The following GRAMD2B variants were observed in gnomAD, a reference collection of about 807,000 sequenced individuals.
GRAMD2B encodes GRAM domain-containing protein 2B.
In GRAMD2B, 41 loss-of-function variants were observed where a neutral mutation model predicts 59.2. That is an observed-to-expected ratio of 0.69 (90% CI 0.54 to 0.90). The LOEUF is 0.90. Ranked by LOEUF, GRAMD2B falls within the 40% of genes least tolerant of loss-of-function variation. GRAMD2B has a pLI of 0.00. For synonymous variants in GRAMD2B, 161 were observed against 182.7 expected (o/e 0.88, Z 0.96); for missense variants, 424 against 500.5 (o/e 0.85, Z 1.46).
chr5:126,478,662 GC>G (rs1771112219), intron 6 of GRAMD2B, among the ~76,000 whole-genome samples: 1 of 151,964 alleles, frequency 6.6e-6, no homozygotes, highest in South Asian at 2.1e-4. Context: ...GATTGCTTGA[GC>G]CTGGGAGACA....
intron 1 of GRAMD2B, among the ~76,000 whole-genome samples, chr5:126,400,419 A>AT (rs1757722300): frequency 6.6e-6 from 1 of 152,148 alleles, no homozygotes; most frequent in African/African-American, 2.4e-5. Flanking sequence ...CTATTAACAA[A>AT]TTATTATAGC....
intron 1 of GRAMD2B, among the ~76,000 whole-genome samples, chr5:126,454,207 G>C (rs192137716): frequency 7.2e-5 from 11 of 152,278 alleles, no homozygotes; most frequent in Admixed American, 5.2e-4. Context: ...GTCTTGGCTC[G>C]TGTCCAGATG....
intron 1 of GRAMD2B, among the ~76,000 whole-genome samples, chr5:126,445,849 T>C (rs1356084514): frequency 6.6e-6 from 1 of 152,186 alleles, no homozygotes; most frequent in East Asian, 1.9e-4. Flanking sequence ...GGTGTTGAGA[T>C]TGGGGAATGG....
chr5:126,432,661 A>T (rs764307323), intron 1 of GRAMD2B, among the ~76,000 whole-genome samples: 7 of 152,210 alleles, frequency 4.6e-5, no homozygotes, highest in Non-Finnish European at 1.0e-4. Flanking sequence ...TGTGGTCCTC[A>T]AAGAGCCTAC....
chr5:126,480,920 G>T (rs1188702922), intron 8 of GRAMD2B: 2 of 580,538 alleles, frequency 3.4e-6, no homozygotes, highest in Non-Finnish European at 3.0e-6. Flanking sequence ...CCTGCAAAAA[G>T]AAAGAAACAC....
intron 1 of GRAMD2B, among the ~76,000 whole-genome samples, chr5:126,366,033 C>T (rs1016925598): frequency 6.6e-6 from 1 of 152,204 alleles, no homozygotes; most frequent in African/African-American, 2.4e-5. Context: ...TTCTAATCTT[C>T]TGGGGGCAAA....
chr5:126,441,278 A>G (rs935659558), intron 1 of GRAMD2B, among the ~76,000 whole-genome samples: 12 of 152,190 alleles, frequency 7.9e-5, no homozygotes, highest in Non-Finnish European at 1.2e-4. Flanking sequence ...CAACTTTGTA[A>G]TGTTGTAATC....
chr5:126,469,964 G>A lies in GRAMD2B; in HGVS notation c.315+176G>A, dbSNP rs551803282. On this transcript the variant is annotated intron_variant, in intron 3 of 13. Transcript: ENST00000285689. Reference sequence around the variant, plus strand: ...TTCCTCCAGTCCATTTTTCAGCAACGTTATATTCCACAACTCATTTTTCAG... The same window carrying A: ...TTCCTCCAGTCCATTTTTCAGCAACATTATATTCCACAACTCATTTTTCAG... Among the ~76,000 whole-genome samples the A allele has an allele frequency of 5.3e-5, 8 of 152,226 alleles. No homozygotes were observed. The South Asian group carries it at 6.2e-4, about 12-fold the overall frequency.
At chr5:126,388,016 C>A (rs1756336142) in intron 1 of GRAMD2B, among the ~76,000 whole-genome samples, 1 of 152,124 alleles carries the variant, frequency 6.6e-6, no homozygotes, top group African/African-American at 2.4e-5. Flanking sequence ...ACCCCCTATA[C>A]TATAAAACTT....
At chr5:126,434,495 G>A (rs1396481689) in intron 1 of GRAMD2B, among the ~76,000 whole-genome samples, 2 of 151,568 alleles carry the variant, frequency 1.3e-5, no homozygotes, top group African/African-American at 2.4e-5. Flanking sequence ...TTTCCCACAT[G>A]ACAATTATCC....
At chr5:126,387,938 T>C (rs1324002172) in intron 1 of GRAMD2B, among the ~76,000 whole-genome samples, 1 of 152,226 alleles carries the variant, frequency 6.6e-6, no homozygotes, top group African/African-American at 2.4e-5. Flanking sequence ...AGTCTGTCAC[T>C]TGAATGAACT....
chr5:126,413,507 G>A (rs1759006727), intron 1 of GRAMD2B, among the ~76,000 whole-genome samples: 1 of 151,834 alleles, frequency 6.6e-6, no homozygotes, highest in East Asian at 1.9e-4. Context: ...TATTGAGACT[G>A]AACATGAGAT....
chr5:126,461,592 G>T (rs1271523444), intron 1 of GRAMD2B, among the ~76,000 whole-genome samples: 1 of 152,144 alleles, frequency 6.6e-6, no homozygotes, highest in Non-Finnish European at 1.5e-5. Flanking sequence ...TTGAGGCCAG[G>T]AGTTCGAGAC....
At chr5:126,482,964 AAAGCTT>A (rs1229566546) in intron 8 of GRAMD2B, among the ~76,000 whole-genome samples, 2 of 152,322 alleles carry the variant, frequency 1.3e-5, no homozygotes, top group East Asian at 3.9e-4. Flanking sequence ...GGGGAGAAAA[AAAGCTT>A]AAACTTTACT....
intron 1 of GRAMD2B, among the ~76,000 whole-genome samples, chr5:126,429,003 G>C (rs1220410212): frequency 6.6e-6 from 1 of 152,126 alleles, no homozygotes; most frequent in Non-Finnish European, 1.5e-5. Flanking sequence ...CCCAAAGACA[G>C]ACATACCATT....
intron 1 of GRAMD2B, among the ~76,000 whole-genome samples, chr5:126,417,722 CT>C (rs1759378811): frequency 6.6e-6 from 1 of 152,200 alleles, no homozygotes; most frequent in African/African-American, 2.4e-5. Context: ...TCAAACATTT[CT>C]TTCCCCACAA....
At chr5:126,458,293 G>C (rs906229048) in intron 1 of GRAMD2B, among the ~76,000 whole-genome samples, 8 of 152,084 alleles carry the variant, frequency 5.3e-5, no homozygotes, top group Non-Finnish European at 1.2e-4. Context: ...AAATTAGCCA[G>C]GCATGGTGTT....
At chr5:126,469,585 T>A in intron 2 of GRAMD2B, 92 bp from the exon 3 acceptor site, 1 of 819,208 alleles carries the variant, frequency 1.2e-6, no homozygotes, top group Non-Finnish European at 2.0e-6. Context: ...CAGTGAACCG[T>A]GATCATGCTG....
intron 6 of GRAMD2B, among the ~76,000 whole-genome samples, chr5:126,478,210 G>A (rs1391048422): frequency 1.3e-5 from 2 of 151,348 alleles, no homozygotes; most frequent in African/African-American, 4.9e-5. Flanking sequence ...GGCTGAGGTG[G>A]GAGAATTGCT....
Sources: allele counts gnomAD v4.1 joint callset (sites outside exome capture counted in the v4.1 genomes callset), GRCh38; gene constraint gnomAD v4.1.1; transcripts MANE v1.5; gene names NCBI Gene and HGNC (gene_info 2026-07-23, HGNC 2026-07-21).